Variants in COL22A1 observed in about 807,000 individuals in gnomAD.
COL22A1 encodes the protein collagen alpha-1(XXII) chain.
COL22A1 carries 221 observed loss-of-function variants against 248.9 expected under a neutral mutation model. That is an observed-to-expected ratio of 0.89 (90% CI 0.80 to 0.99). COL22A1 has a LOEUF of 0.99. Ranked by LOEUF, COL22A1 falls within the 50% of genes least tolerant of loss-of-function variation. The pLI, the probability that COL22A1 is intolerant of heterozygous loss-of-function variation, is 0.00. For synonymous variants in COL22A1, 891 were observed against 793.4 expected, an observed-to-expected ratio of 1.12 and a Z score of -2.07; for missense variants, 2,240 against 2,179.0, an observed-to-expected ratio of 1.03 and a Z score of -0.56.
At chr8:138,660,905 CACATACACAG>C (rs1823822179) in intron 43 of COL22A1, among the ~76,000 whole-genome samples, 1 of 81,542 alleles carries the variant, frequency 1.2e-5, no homozygotes, top group Non-Finnish European at 2.6e-5. Flanking sequence ...CACAAACACA[CACATACACAG>C]ACACACACAC....
At chr8:138,608,866 CAG>C (rs1818631408) in intron 56 of COL22A1, among the ~76,000 whole-genome samples, 1 of 152,218 alleles carries the variant, frequency 6.6e-6, no homozygotes, top group Non-Finnish European at 1.5e-5. Context: ...AACCCAAAGG[CAG>C]AGTCTACGCC....
In COL22A1 at chr8:138,883,121, G is replaced by A; in HGVS notation, c.52C>T (p.Leu18=). The A allele has an allele frequency of 6.3e-7, 1 of 1,599,110 alleles. No homozygotes were observed. Among genetic ancestry groups the A allele is most frequent in the Non-Finnish European group, 8.5e-7 (1 of 1,173,908 alleles). ...TGGCAGCCGCCGCCCCCACTCCACA[G>A]CAGCAGCATCCAGAGGAGGCCAGCC... The part of the protein sequence containing the change: ...AVAGLLWMLL[L]WSGGGGCQAQ... Residue 18 remains leucine (L), a synonymous_variant, in exon 2 of 65, where the codon CTG becomes TTG. Coordinates refer to ENST00000303045, the MANE Select transcript of COL22A1 (RefSeq NM_152888.3).
At chr8:138,618,713 C>A (rs1819525348) in intron 53 of COL22A1, among the ~76,000 whole-genome samples, 1 of 152,112 alleles carries the variant, frequency 6.6e-6, no homozygotes, top group East Asian at 1.9e-4. Flanking sequence ...TAGATAAAAT[C>A]CAGATAATTT....
At chr8:138,838,731 G>T (rs1033334104) in intron 4 of COL22A1, among the ~76,000 whole-genome samples, 1 of 150,688 alleles carries the variant, frequency 6.6e-6, no homozygotes, top group South Asian at 2.1e-4. Context: ...AATAAAAAAT[G>T]TTCCCGAGGA....
intron 32 of COL22A1, among the ~76,000 whole-genome samples, chr8:138,698,815 T>C (rs1181000386): frequency 6.6e-6 from 1 of 151,094 alleles, no homozygotes; most frequent in Non-Finnish European, 1.5e-5. Context: ...ATGCAGTGAG[T>C]ACCCGCCCTG....
At chr8:138,897,050 C>G (rs566382271) in intron 1 of COL22A1, among the ~76,000 whole-genome samples, 1 of 152,208 alleles carries the variant, frequency 6.6e-6, no homozygotes, top group East Asian at 1.9e-4. Context: ...CCTTGCCAAT[C>G]ACTGTAAGGC....
chr8:138,907,705 C>T (rs1181755607), intron 1 of COL22A1, among the ~76,000 whole-genome samples: 2 of 152,186 alleles, frequency 1.3e-5, no homozygotes, highest in African/African-American at 4.8e-5. Context: ...CCTCACAGCG[C>T]TACAGGCTGG....
At chr8:138,727,572 A>G (rs559100314) in intron 23 of COL22A1, among the ~76,000 whole-genome samples, 2 of 152,136 alleles carry the variant, frequency 1.3e-5, no homozygotes, top group Non-Finnish European at 2.9e-5. Context: ...GGCGAGAAAT[A>G]CCAAAAAATG....
rs1437393230 is a variant in COL22A1, at chr8:138,679,661, C to T, written c.3028G>A (p.Val1010Ile). The change falls in exon 40 of 65, where the codon GTC becomes ATC. Residue 1010 changes from valine (V) to isoleucine (I), a missense_variant. Physicochemically the swap from Val to Ile is conservative, Grantham distance 29. Transcript: ENST00000303045. ...PLGTKAACGK[V>I]RGSENCALGG... ...AGTGCACAGTTTTCTGACCCTCTGA[C>T]TTTTCCGCAAGCAGCCTGAAAGTAG... 3 of 1,614,106 alleles carry T rather than the reference C, an allele frequency of 1.9e-6. No homozygotes were observed.
At chr8:138,872,198 G>T (rs891197207) in intron 3 of COL22A1, among the ~76,000 whole-genome samples, 3 of 152,168 alleles carry the variant, frequency 2.0e-5, no homozygotes, top group Non-Finnish European at 2.9e-5. Flanking sequence ...ACCCTCAGTC[G>T]TATTGGCAAG....
intron 50 of COL22A1, 135 bp downstream of exon 50, chr8:138,630,559 AC>A: frequency 2.7e-6 from 2 of 748,448 alleles, no homozygotes; most frequent in South Asian, 3.1e-5. Context: ...TCATTGCAAG[AC>A]TTGTAGTGAA....
At chr8:138,627,315 T>G (rs1820325497) in intron 50 of COL22A1, among the ~76,000 whole-genome samples, 1 of 152,216 alleles carries the variant, frequency 6.6e-6, no homozygotes, top group Non-Finnish European at 1.5e-5. Flanking sequence ...GTCAGCAAAC[T>G]TCAGCCCACT....
intron 7 of COL22A1, among the ~76,000 whole-genome samples, chr8:138,813,220 A>G (rs188147923): frequency 3.9e-5 from 6 of 152,026 alleles, no homozygotes; most frequent in African/African-American, 9.7e-5. Flanking sequence ...CACACCCCTG[A>G]TCTGGCTTGG....
At position 138,655,934 on chromosome 8, in the gene COL22A1, G is replaced by A. The variant is rs572213003; in HGVS notation, c.3296C>T (p.Ser1099Leu). 2.5e-6 allele frequency: 4 copies of A among 1,611,990 alleles called. No individual in the cohort carries two copies. The East Asian group carries it at 8.9e-5, about 36-fold the overall frequency. ...RGPPGKPGLS[S>L]LLSPGDINLL... ...ATTTATGTCCCCTGGAGACAGTAGT[G>A]AAGAGAGGCCCTGTCAAAATAAAAA... The change falls in exon 45 of 65, where the codon TCA becomes TTA. Residue 1099 changes from serine to leucine, a missense_variant. Transcript: ENST00000303045.
At chr8:138,687,059 C>T (rs1177024101) in intron 37 of COL22A1, among the ~76,000 whole-genome samples, 2 of 152,272 alleles carry the variant, frequency 1.3e-5, no homozygotes, top group South Asian at 2.1e-4. Flanking sequence ...CAGGTTCAAG[C>T]GATTCTTGTG....
chr8:138,775,949 G>A lies in COL22A1; in HGVS notation c.1803+17C>T. On this transcript the variant is annotated intron_variant, in intron 16 of 64. Coordinates refer to ENST00000303045, the MANE Select transcript of COL22A1 (RefSeq NM_152888.3). ...TATGGAAAGCCGTATTGATGAATGA[G>A]TGCAGACTATAAATACCTTTTCTCC... 6.2e-7 allele frequency: 1 copy of A among 1,612,890 alleles called. No individual in the cohort carries two copies. Among genetic ancestry groups the A allele is most frequent in the South Asian group, 1.1e-5 (1 of 91,046 alleles).
chr8:138,913,106 C>A (rs1372312723), intron 1 of COL22A1, among the ~76,000 whole-genome samples: 1 of 152,086 alleles, frequency 6.6e-6, no homozygotes. Context: ...GAAATGAGAT[C>A]TAAATTTAGA....
chr8:138,718,073 C>T (rs919946416), intron 27 of COL22A1, among the ~76,000 whole-genome samples: 1 of 151,924 alleles, frequency 6.6e-6, no homozygotes, highest in South Asian at 2.1e-4. Flanking sequence ...CTATGCCAGA[C>T]TCAGTTGGTA....
At chr8:138,781,122 A>G in intron 12 of COL22A1, 142 bp from the exon 13 acceptor site, 1 of 655,314 alleles carries the variant, frequency 1.5e-6, no homozygotes, top group East Asian at 2.6e-5. Context: ...ACAAGCCTGC[A>G]GCATAGGCAT....
Sources: allele counts gnomAD v4.1 joint callset (sites outside exome capture counted in the v4.1 genomes callset), GRCh38; gene constraint gnomAD v4.1.1; transcripts MANE v1.5; gene names NCBI Gene and HGNC (gene_info 2026-07-23, HGNC 2026-07-21).